PDE4D: variants seen among roughly 807,000 people sequenced by gnomAD.
The protein encoded by PDE4D is phosphodiesterase 4D, also known as 3',5'-cyclic-AMP phosphodiesterase 4D.
In PDE4D, 24 loss-of-function variants were observed where a neutral mutation model predicts 87.4. The observed-to-expected ratio is 0.27, with a 90% CI of 0.20 to 0.39. The LOEUF is 0.39. Ranked by LOEUF, PDE4D falls within the 10% of genes least tolerant of loss-of-function variation. PDE4D has a pLI of 1.00. For missense variants in PDE4D, 714 were observed against 1,041.0 expected, an observed-to-expected ratio of 0.69 and a Z score of 4.32; for synonymous variants, 384 against 383.2, an observed-to-expected ratio of 1.00 and a Z score of -0.02.
chr5:59,574,061 AATAT>A lies in PDE4D; in HGVS notation c.455+319103_455+319106del, dbSNP rs1159810665. ...ATATTTATATATATTTATATATAAA[AATAT>A]ATATATTTATATATATATTTATATA... On this transcript the variant is annotated intron_variant, in intron 1 of 14. Transcript: ENST00000340635. 7.4e-3 allele frequency among the ~76,000 whole-genome samples: 235 copies of A among 31,886 alleles called. 3 individuals carry two copies. The highest frequency in any genetic ancestry group is 0.028 in the African/African-American group (223 of 7,862). 20.9% of individuals were successfully genotyped at this position (31,886 alleles called of 152,430 possible). A position where few individuals can be genotyped will look rare whatever the true frequency, so the allele number is the denominator to read the frequency against.
chr5:59,601,758 C>T (rs1439877172), intron 1 of PDE4D, among the ~76,000 whole-genome samples: 1 of 152,060 alleles, frequency 6.6e-6, no homozygotes, highest in African/African-American at 2.4e-5. Flanking sequence ...ATCTGAACCC[C>T]AATTTCAGCT....
chr5:58,977,285 A>G lies in PDE4D; in HGVS notation c.1613T>C (p.Val538Ala). Residue 538 changes from valine to alanine, a missense_variant, in exon 12 of 15, where the codon GTG (valine) becomes GCG (alanine). Transcript: ENST00000340635. The part of the protein sequence containing the change: ...SSVLENHHLA[V>A]GFKLLQEENC... ...TTCTTCCTGAAGCAATTTAAAGCCC[A>G]CAGCCAAATGATGGTTCTCTAAGAC... The G allele has an allele frequency of 6.2e-7, 1 of 1,613,178 alleles. No individual in the cohort carries two copies. The highest frequency in any genetic ancestry group is 8.5e-7 in the Non-Finnish European group (1 of 1,179,462).
At chr5:59,967,085 C>G (rs554246013) in intron 3 of PDE4D, among the ~76,000 whole-genome samples, 121 of 152,250 alleles carry the variant, frequency 7.9e-4, no homozygotes, top group African/African-American at 2.8e-3. Context: ...CCCCAGGAAT[C>G]ATAGTCACCT....
At chr5:60,056,042 T>C (rs4700359) in intron 2 of PDE4D, among the ~76,000 whole-genome samples, 67,545 of 151,866 alleles carry the variant, frequency 0.44, 16,286 homozygotes, top group Admixed American at 0.54. Flanking sequence ...CTCAGTGAAA[T>C]TGTAGGAAAA....
chr5:59,799,821 G>A (rs759474735), intron 1 of PDE4D, among the ~76,000 whole-genome samples: 30 of 152,158 alleles, frequency 2.0e-4, no homozygotes, highest in Non-Finnish European at 3.5e-4. Context: ...ACCCAAGGAA[G>A]TACAGGGGTA....
At chr5:60,177,423 A>G (rs940187364) in intron 2 of PDE4D, among the ~76,000 whole-genome samples, 4 of 152,202 alleles carry the variant, frequency 2.6e-5, no homozygotes, top group African/African-American at 9.6e-5. Context: ...TAATGTTTAA[A>G]GCAGCAAAAA....
intron 2 of PDE4D, among the ~76,000 whole-genome samples, chr5:60,055,680 G>A (rs1770701381): frequency 1.3e-5 from 2 of 152,038 alleles, no homozygotes; most frequent in African/African-American, 2.4e-5. Flanking sequence ...TATCCAATAA[G>A]ACATAAAAAA....
chr5:60,046,082 T>G (rs983362713), intron 2 of PDE4D, among the ~76,000 whole-genome samples: 5 of 152,228 alleles, frequency 3.3e-5, no homozygotes, highest in Non-Finnish European at 7.3e-5. Context: ...GTCCTTCACA[T>G]CCCTTGTTAA....
chr5:60,162,900 G>T (rs561820993), intron 2 of PDE4D, among the ~76,000 whole-genome samples: 1 of 151,830 alleles, frequency 6.6e-6, no homozygotes. Flanking sequence ...TTAATGAGAG[G>T]TTTCATTAGC....
chr5:59,384,523 TG>T (rs1786576480), intron 1 of PDE4D, among the ~76,000 whole-genome samples: 1 of 152,152 alleles, frequency 6.6e-6, no homozygotes, highest in South Asian at 2.1e-4. Flanking sequence ...ATATGTAGTA[TG>T]GGAAACAACA....
intron 1 of PDE4D, among the ~76,000 whole-genome samples, chr5:59,706,046 A>G (rs1383088049): frequency 1.3e-5 from 2 of 152,142 alleles, no homozygotes; most frequent in African/African-American, 4.8e-5. Flanking sequence ...CTAGACTAGT[A>G]CCTTGACCAC....
intron 1 of PDE4D, among the ~76,000 whole-genome samples, chr5:59,749,520 G>A (rs546308365): frequency 6.6e-6 from 1 of 152,176 alleles, no homozygotes; most frequent in South Asian, 2.1e-4. Context: ...CAAAGTGCTG[G>A]GATTACAGCC....
intron 1 of PDE4D, among the ~76,000 whole-genome samples, chr5:59,712,447 A>G (rs2150513913): frequency 7.3e-6 from 1 of 137,536 alleles, no homozygotes; most frequent in African/African-American, 2.7e-5. Flanking sequence ...GTTTTATTCT[A>G]AGTTCTTTAT....
intron 1 of PDE4D, among the ~76,000 whole-genome samples, chr5:59,395,853 A>G (rs1490979888): frequency 8.4e-6 from 1 of 118,630 alleles, no homozygotes; most frequent in African/African-American, 3.4e-5. Flanking sequence ...AGAAGAATGT[A>G]TAACTAGAAT....
chr5:59,782,744 C>A (rs1168745325), intron 1 of PDE4D, among the ~76,000 whole-genome samples: 1 of 152,180 alleles, frequency 6.6e-6, no homozygotes, highest in Non-Finnish European at 1.5e-5. Context: ...TTTATGCATT[C>A]ATTTAAGAAA....
intron 1 of PDE4D, among the ~76,000 whole-genome samples, chr5:59,365,902 C>A (rs749194033): frequency 5.9e-5 from 9 of 152,036 alleles, no homozygotes; most frequent in Non-Finnish European, 1.2e-4. Flanking sequence ...AATAAGCATG[C>A]CTTAGTAGGG....
chr5:59,520,186 C>A (rs1811939735), intron 1 of PDE4D, among the ~76,000 whole-genome samples: 1 of 152,152 alleles, frequency 6.6e-6, no homozygotes, highest in Non-Finnish European at 1.5e-5. Flanking sequence ...TTGCTTGAAC[C>A]TGGGAGGCAG....
At chr5:59,290,146 C>A (rs984661681) in intron 1 of PDE4D, among the ~76,000 whole-genome samples, 1 of 151,890 alleles carries the variant, frequency 6.6e-6, no homozygotes, top group South Asian at 2.1e-4. Flanking sequence ...CAAGGACATT[C>A]TTCCCAGAAA....
intron 2 of PDE4D, among the ~76,000 whole-genome samples, chr5:60,037,428 A>T (rs566468352): frequency 6.6e-6 from 1 of 152,184 alleles, no homozygotes; most frequent in Admixed American, 6.5e-5. Context: ...CAAATAAAAG[A>T]TTATTTCATT....
Sources: gnomAD v4.1 joint callset for allele counts (sites outside exome capture counted in the v4.1 genomes callset) on GRCh38, gnomAD v4.1.1 for gene constraint, MANE v1.5 for transcripts, NCBI Gene and HGNC (gene_info 2026-07-23, HGNC 2026-07-21) for gene names.